Variants in ELAVL4 observed in about 807,000 individuals in gnomAD.
ELAVL4 encodes ELAV-like protein 4.
Under a neutral mutation model 35.6 loss-of-function variants are expected in ELAVL4, and 1 was observed. The observed-to-expected ratio is 0.03, with a 90% CI of 0.01 to 0.13. The LOEUF is 0.13. Among genes scored for constraint, ELAVL4 ranks in the 10% least tolerant of loss-of-function variants. ELAVL4 has a pLI of 1.00. For missense variants in ELAVL4, 267 were observed against 464.9 expected (o/e 0.57, Z 3.91); for synonymous variants, 156 against 171.0 (o/e 0.91, Z 0.69).
chr1:50,087,693 TA>T (rs1326491394), intron 1 of ELAVL4, among the ~76,000 whole-genome samples: 1 of 152,134 alleles, frequency 6.6e-6, no homozygotes, highest in Non-Finnish European at 1.5e-5. Flanking sequence ...TAAATGAGGT[TA>T]TAAGGGTAGG....
At chr1:50,139,313 G>T (rs1373704618) in intron 1 of ELAVL4, among the ~76,000 whole-genome samples, 1 of 152,164 alleles carries the variant, frequency 6.6e-6, no homozygotes, top group Non-Finnish European at 1.5e-5. Flanking sequence ...TCTCTGTGCT[G>T]TGGACCTCAC....
intron 3 of ELAVL4, among the ~76,000 whole-genome samples, chr1:50,182,720 G>A (rs1681236527): frequency 6.6e-6 from 1 of 152,150 alleles, no homozygotes; most frequent in Non-Finnish European, 1.5e-5. Flanking sequence ...GTTTTCATCA[G>A]CTCTATTAGG....
chr1:50,164,090 T>G (rs1182978235), intron 2 of ELAVL4, among the ~76,000 whole-genome samples: 1 of 152,168 alleles, frequency 6.6e-6, no homozygotes, highest in Non-Finnish European at 1.5e-5. Context: ...GTAAAGATTA[T>G]GTAAGTAATG....
At chr1:50,110,127 C>T (rs1283267717) in intron 1 of ELAVL4, among the ~76,000 whole-genome samples, 1 of 152,054 alleles carries the variant, frequency 6.6e-6, no homozygotes, top group Non-Finnish European at 1.5e-5. Flanking sequence ...TAGTATTTCT[C>T]TTTTCTGAAA....
intron 1 of ELAVL4, among the ~76,000 whole-genome samples, chr1:50,140,099 C>G (rs1470714208): frequency 6.6e-6 from 1 of 152,200 alleles, no homozygotes; most frequent in Non-Finnish European, 1.5e-5. Context: ...CCTCAATGAT[C>G]TATCCTGGAT....
At chr1:50,087,546 AC>A (rs1202051925) in intron 1 of ELAVL4, among the ~76,000 whole-genome samples, 9 of 152,200 alleles carry the variant, frequency 5.9e-5, no homozygotes, top group African/African-American at 2.2e-4. Context: ...CTAAAATGTA[AC>A]CACCTCAAGT....
At chr1:50,084,623 G>C (rs1665155620) in intron 1 of ELAVL4, among the ~76,000 whole-genome samples, 1 of 151,918 alleles carries the variant, frequency 6.6e-6, no homozygotes, top group African/African-American at 2.4e-5. Flanking sequence ...AGTCACATTG[G>C]CCTTTTTTCT....
intron 3 of ELAVL4, among the ~76,000 whole-genome samples, chr1:50,183,238 A>C (rs1448794345): frequency 6.6e-6 from 1 of 152,146 alleles, no homozygotes; most frequent in East Asian, 1.9e-4. Context: ...ATATTAAGCT[A>C]TTACCCAAAG....
intron 1 of ELAVL4, among the ~76,000 whole-genome samples, chr1:50,121,755 A>T (rs926904952): frequency 6.6e-6 from 1 of 152,066 alleles, no homozygotes; most frequent in Non-Finnish European, 1.5e-5. Context: ...TTTAGATTTA[A>T]TATGAAGCAT....
At chr1:50,093,660 T>TA (rs1665590397) in intron 1 of ELAVL4, among the ~76,000 whole-genome samples, 1 of 152,222 alleles carries the variant, frequency 6.6e-6, no homozygotes. Context: ...GTGGTTGATG[T>TA]AGAAAGCCCC....
intron 2 of ELAVL4, among the ~76,000 whole-genome samples, chr1:50,164,954 A>G (rs1677478996): frequency 6.6e-6 from 1 of 152,208 alleles, no homozygotes; most frequent in Non-Finnish European, 1.5e-5. Flanking sequence ...TGAATAAAGC[A>G]GCATCTTGTT....
At chr1:50,178,111 C>G (rs1208396140) in intron 3 of ELAVL4, among the ~76,000 whole-genome samples, 1 of 152,186 alleles carries the variant, frequency 6.6e-6, no homozygotes, top group African/African-American at 2.4e-5. Context: ...CTTCCCCTAC[C>G]TCCAGGCAGC....
chr1:50,186,444 T>G (rs1303194975), intron 3 of ELAVL4, among the ~76,000 whole-genome samples: 1 of 152,058 alleles, frequency 6.6e-6, no homozygotes, highest in Non-Finnish European at 1.5e-5. Flanking sequence ...ATGCCTGTAG[T>G]GGGAGGTAGG....
At chr1:50,179,507 T>C (rs1441440377) in intron 3 of ELAVL4, 2 of 152,200 alleles carry the variant, frequency 1.3e-5, no homozygotes, top group Non-Finnish European at 2.9e-5. Context: ...AGTCTCATCA[T>C]TTATTAATTT....
chr1:50,192,266 T>G (rs1222891434), intron 3 of ELAVL4, among the ~76,000 whole-genome samples: 1 of 152,116 alleles, frequency 6.6e-6, no homozygotes, highest in African/African-American at 2.4e-5. Context: ...GTCACTCACA[T>G]CATTTTATCT....
At chr1:50,155,566 G>T (rs1007345804) in intron 2 of ELAVL4, among the ~76,000 whole-genome samples, 2 of 152,088 alleles carry the variant, frequency 1.3e-5, no homozygotes, top group Non-Finnish European at 2.9e-5. Flanking sequence ...ATTAATATAA[G>T]GTATAAACAA....
At chr1:50,065,412 C>T (rs1412244636) in intron 1 of ELAVL4, among the ~76,000 whole-genome samples, 2 of 152,150 alleles carry the variant, frequency 1.3e-5, no homozygotes, top group African/African-American at 2.4e-5. Context: ...ATTTGAATTT[C>T]GGTCCCATTG....
At position 50,203,260 on chromosome 1, in the gene ELAVL4, T is replaced by C. The variant is rs1429088934; in HGVS notation, c.*2082T>C. ...TCCCATGCTGAACCCACTAAGTGCATGTAGACAGGACTGTTGTTTTCACAC... is the reference window on the plus strand; with the variant it reads ...TCCCATGCTGAACCCACTAAGTGCACGTAGACAGGACTGTTGTTTTCACAC... On this transcript the variant is annotated 3_prime_UTR_variant, in exon 7 of 7. Coordinates refer to ENST00000371824, the MANE Select transcript of ELAVL4 (RefSeq NM_001144774.3). 1 of 152,234 alleles carries C rather than the reference T, an allele frequency of 6.6e-6. No individual in the cohort carries two copies. The highest frequency in any genetic ancestry group is 1.5e-5 in the Non-Finnish European group (1 of 68,032). 9.4% of individuals were successfully genotyped at this position (152,234 alleles called of 1,614,324 possible).
chr1:50,100,577 C>G (rs937256886), upstream of ELAVL4, among the ~76,000 whole-genome samples: 1 of 152,216 alleles, frequency 6.6e-6, no homozygotes, highest in African/African-American at 2.4e-5. Flanking sequence ...TCATTATCAA[C>G]TATCTCTAAC....
Sources: allele counts gnomAD v4.1 joint callset (sites outside exome capture counted in the v4.1 genomes callset), GRCh38; gene constraint gnomAD v4.1.1; transcripts MANE v1.5; gene names NCBI Gene and HGNC (gene_info 2026-07-23, HGNC 2026-07-21).